The following ATOH8 variants were observed in gnomAD, a reference collection of about 807,000 sequenced individuals.
The protein encoded by ATOH8 is atonal bHLH transcription factor 8.
A neutral mutation model predicts 21.2 loss-of-function variants in ATOH8; 9 were observed. The ratio of observed to expected loss-of-function variants is 0.42; its 90% confidence interval spans 0.26 to 0.74. The LOEUF is 0.74. Among genes scored for constraint, ATOH8 ranks in the 30% least tolerant of loss-of-function variants. The pLI, the probability that ATOH8 is intolerant of heterozygous loss-of-function variation, is 0.24. For missense variants in ATOH8, 524 were observed against 470.9 expected, an observed-to-expected ratio of 1.11 and a Z score of -1.04; for synonymous variants, 253 against 224.0, an observed-to-expected ratio of 1.13 and a Z score of -1.16.
intron 1 of ATOH8, among the ~76,000 whole-genome samples, chr2:85,762,267 A>C (rs1241965925): frequency 6.6e-6 from 1 of 152,210 alleles, no homozygotes; most frequent in Non-Finnish European, 1.5e-5. Flanking sequence ...CAGCTAGACA[A>C]AGCTAGAGCC....
chr2:85,774,722 T>C (rs1474460397), intron 2 of ATOH8: 4 of 985,314 alleles, frequency 4.1e-6, no homozygotes, highest in Middle Eastern at 5.2e-4. Context: ...CCAGACTCAA[T>C]AGAACACCTG....
In ATOH8 at chr2:85,754,650, T is replaced by A. The variant is rs1311850546; in HGVS notation, c.461T>A (p.Ile154Asn). ...CGGGAGCCGGGTCTGCGTCCTCGCA[T>A]CTTGCTGTGCGCACCGCCCGCGCGC... Reference protein sequence around the residue: ...PFREPGLRPRILLCAPPARPA... With the variant: ...PFREPGLRPRNLLCAPPARPA... Residue 154 changes from isoleucine (I) to asparagine (N), a missense_variant, in exon 1 of 3, where the codon ATC becomes AAC. Coordinates refer to ENST00000306279, the MANE Select transcript of ATOH8 (RefSeq NM_032827.7). 6.5e-7 allele frequency: 1 copy of A among 1,527,528 alleles called. No individual in the cohort carries two copies. Among genetic ancestry groups the A allele is most frequent in the Non-Finnish European group, 8.8e-7 (1 of 1,139,934 alleles). 94.6% of individuals were successfully genotyped at this position (1,527,528 alleles called of 1,614,324 possible).
At position 85,766,433 on chromosome 2, in the gene ATOH8, G is replaced by A. The variant is rs1000744115; in HGVS notation, c.960+2251G>A. Among the ~76,000 whole-genome samples the A allele has an allele frequency of 6.6e-5, 10 of 152,016 alleles. No homozygotes were observed. The highest frequency in any genetic ancestry group is 2.4e-4 in the African/African-American group (10 of 41,384). On this transcript the variant is annotated intron_variant, in intron 2 of 2. Transcript: ENST00000306279. The surrounding 1 kb of genome is among the most constrained non-coding windows in gnomAD (Gnocchi z 4.0). Reference sequence around the variant, plus strand: ...GGTCACCCAGCTGGGACTCTGGGAGGTGGGGTCTGTATGTCTTTGCCCTAA... The same window carrying A: ...GGTCACCCAGCTGGGACTCTGGGAGATGGGGTCTGTATGTCTTTGCCCTAA...
chr2:85,772,799 A>G (rs1680223281), intron 2 of ATOH8: 1 of 455,684 alleles, frequency 2.2e-6, no homozygotes, highest in African/African-American at 2.0e-5. Context: ...TTGACTTTTT[A>G]TCTCTGGTTT....
At chr2:85,783,992 G>A (rs1680564034) in intron 2 of ATOH8, among the ~76,000 whole-genome samples, 1 of 152,184 alleles carries the variant, frequency 6.6e-6, no homozygotes, top group South Asian at 2.1e-4. Flanking sequence ...GGGTCTTGGG[G>A]ATTGGCATGC....
intron 2 of ATOH8, chr2:85,774,068 G>A (rs1314964279): frequency 1.0e-6 from 1 of 983,474 alleles, no homozygotes. Flanking sequence ...CAGCTCCTGG[G>A]TCTGTTCATG....
chr2:85,760,169 C>A (rs760630011), intron 1 of ATOH8, among the ~76,000 whole-genome samples: 1 of 151,888 alleles, frequency 6.6e-6, no homozygotes, highest in East Asian at 1.9e-4. Flanking sequence ...TGGGACCTTG[C>A]GAAAATGCCA....
At chr2:85,756,408 C>T (rs2104493212) in intron 1 of ATOH8, among the ~76,000 whole-genome samples, 1 of 152,304 alleles carries the variant, frequency 6.6e-6, no homozygotes, top group East Asian at 1.9e-4. Flanking sequence ...GATGCCTGTC[C>T]ACCTGCCCAC....
rs1325027179 is a variant in ATOH8 at position 85,788,793 on chromosome 2, G to A, written c.*1903G>A. ...TGCAGGGAGCCCCCCTTGCAGTAGC[G>A]TTTCTCAGGCTGGCCCTTTACCAAG... On this transcript the variant is annotated 3_prime_UTR_variant, in exon 3 of 3. Coordinates refer to ENST00000306279, the MANE Select transcript of ATOH8 (RefSeq NM_032827.7). 6.6e-5 allele frequency among the ~76,000 whole-genome samples: 10 copies of A among 152,156 alleles called. No homozygotes were observed. Among genetic ancestry groups the A allele is most frequent in the Admixed American group, 2.0e-4 (3 of 15,276 alleles).
At chr2:85,781,041 T>C (rs1273991245) in intron 2 of ATOH8, 1 of 987,868 alleles carries the variant, frequency 1.0e-6, no homozygotes, top group Non-Finnish European at 1.2e-6. Flanking sequence ...GTCTGTCCCT[T>C]GGAGAAGATG....
At chr2:85,775,844 A>T (rs1314725133) in intron 2 of ATOH8, among the ~76,000 whole-genome samples, 1 of 152,186 alleles carries the variant, frequency 6.6e-6, no homozygotes, top group Non-Finnish European at 1.5e-5. Flanking sequence ...GATTTGTGAC[A>T]AGGTGGTTTT....
Position 85,754,852 on chromosome 2 carries a change from C to T in ATOH8, c.663C>T (p.Ser221=). 6.2e-7 allele frequency: 1 copy of T among 1,612,492 alleles called. No individual in the cohort carries two copies. The highest frequency in any genetic ancestry group is 8.5e-7 in the Non-Finnish European group (1 of 1,179,912). The change falls in exon 1 of 3, where the codon TCC becomes TCT. Residue 221 remains serine (S), a synonymous_variant. Coordinates refer to ENST00000306279, the MANE Select transcript of ATOH8 (RefSeq NM_032827.7). The part of the protein sequence containing the change: ...RKRPGEATAA[S]SEIKALQQTR... ...GACCGGGCGAAGCGACTGCCGCCTC[C>T]TCCGAGATCAAAGCCCTGCAGCAGA...
chr2:85,773,315 G>C (rs1298430396), intron 2 of ATOH8: 1 of 161,716 alleles, frequency 6.2e-6, no homozygotes, highest in Non-Finnish European at 1.3e-5. Flanking sequence ...AAAGCCTTCT[G>C]GGATATGTCT....
At position 85,785,737 on chromosome 2, in the gene ATOH8, T is replaced by G. The variant is rs1227755912; in HGVS notation, c.961-1148T>G. Among the ~76,000 whole-genome samples the G allele has an allele frequency of 3.3e-5, 5 of 152,250 alleles. No homozygotes were observed. Among genetic ancestry groups the G allele is most frequent in the Non-Finnish European group, 7.3e-5 (5 of 68,032 alleles). ...GCACTTCCTTCTCGGAGCCTGGGAT[T>G]GCTCACTCATGAGAGGGGGGAATGG... is the stretch of plus-strand genomic sequence containing the variant. On this transcript the variant is annotated intron_variant, in intron 2 of 2. Transcript: ENST00000306279. The surrounding 1 kb of genome is among the most constrained non-coding windows in gnomAD (Gnocchi z 4.1).
At chr2:85,776,024 C>T (rs934149787) in intron 2 of ATOH8, among the ~76,000 whole-genome samples, 2 of 152,242 alleles carry the variant, frequency 1.3e-5, no homozygotes, top group African/African-American at 4.8e-5. Context: ...AGGCCCCCAG[C>T]GACCTCGTTC....
intron 1 of ATOH8, among the ~76,000 whole-genome samples, chr2:85,761,346 A>G (rs1013609927): frequency 2.0e-5 from 3 of 152,188 alleles, no homozygotes; most frequent in Non-Finnish European, 2.9e-5. Flanking sequence ...CTACCTGTAA[A>G]TAGCTACCAC....
chr2:85,779,932 G>C (rs970988977), intron 2 of ATOH8, among the ~76,000 whole-genome samples: 2 of 152,216 alleles, frequency 1.3e-5, no homozygotes, highest in Non-Finnish European at 2.9e-5. Flanking sequence ...AGGTGTGTGG[G>C]GTAGGTGAAG....
At chr2:85,775,929 C>T (rs1680308288) in intron 2 of ATOH8, among the ~76,000 whole-genome samples, 1 of 152,194 alleles carries the variant, frequency 6.6e-6, no homozygotes, top group Non-Finnish European at 1.5e-5. Flanking sequence ...TTGCCCAGTC[C>T]TCACCACAGC....
chr2:85,780,731 C>A (rs1558617505), intron 2 of ATOH8, among the ~76,000 whole-genome samples: 1 of 152,218 alleles, frequency 6.6e-6, no homozygotes, highest in Non-Finnish European at 1.5e-5. Flanking sequence ...GTCCCCAGGC[C>A]AACTGTCCTG....
Sources: allele counts gnomAD v4.1 joint callset (sites outside exome capture counted in the v4.1 genomes callset), GRCh38; gene constraint gnomAD v4.1.1; non-coding constraint Gnocchi (gnomAD v3.1); transcripts MANE v1.5; gene names NCBI Gene and HGNC (gene_info 2026-07-23, HGNC 2026-07-21).